RB1CC1: variants seen among roughly 807,000 people sequenced by gnomAD.
RB1CC1 encodes RB1 inducible coiled-coil 1.
RB1CC1 carries 46 observed loss-of-function variants against 177.5 expected under a neutral mutation model. That is an observed-to-expected ratio of 0.26 (90% CI 0.20 to 0.33). The LOEUF (loss-of-function observed/expected upper bound fraction) is 0.33. Ranked by LOEUF, RB1CC1 falls within the 10% of genes least tolerant of loss-of-function variation. The probability of loss-of-function intolerance (pLI) is 1.00; values close to 1 mark genes in which losing one functional copy is unlikely to be tolerated. For missense variants in RB1CC1, 1,703 were observed against 1,816.3 expected, an observed-to-expected ratio of 0.94 and a Z score of 1.13; for synonymous variants, 666 against 613.6, an observed-to-expected ratio of 1.09 and a Z score of -1.26.
intron 15 of RB1CC1, among the ~76,000 whole-genome samples, chr8:52,654,855 A>G (rs989738150): frequency 6.6e-6 from 1 of 151,890 alleles, no homozygotes; most frequent in Non-Finnish European, 1.5e-5. Flanking sequence ...CTTATTCCTT[A>G]TGTTTCCTCT....
chr8:52,699,830 A>T (rs13274145), intron 1 of RB1CC1, among the ~76,000 whole-genome samples: 386 of 26,350 alleles, frequency 0.015, 4 homozygotes, highest in South Asian at 0.058. Flanking sequence ...AAAAAAAAAA[A>T]ATATATATAT....
At chr8:52,707,983 G>C (rs1046816404) in intron 1 of RB1CC1, among the ~76,000 whole-genome samples, 2 of 152,188 alleles carry the variant, frequency 1.3e-5, no homozygotes, top group African/African-American at 4.8e-5. Context: ...GAGAAGGATA[G>C]CAATAATGTA....
chr8:52,707,120 C>T (rs1016563333), intron 1 of RB1CC1, among the ~76,000 whole-genome samples: 2 of 152,218 alleles, frequency 1.3e-5, no homozygotes, highest in African/African-American at 4.8e-5. Context: ...AAGTACCTGT[C>T]TCACAGGGTT....
chr8:52,672,252 G>A (rs1385951753), intron 7 of RB1CC1, among the ~76,000 whole-genome samples: 1 of 152,084 alleles, frequency 6.6e-6, no homozygotes, highest in Non-Finnish European at 1.5e-5. Context: ...AAGTCACTGG[G>A]ATTACTGGTA....
intron 1 of RB1CC1, among the ~76,000 whole-genome samples, chr8:52,700,075 C>A (rs1180312692): frequency 6.6e-6 from 1 of 151,658 alleles, no homozygotes; most frequent in Non-Finnish European, 1.5e-5. Context: ...TATATAATCC[C>A]CTCCCATAAT....
chr8:52,688,112 T>C (rs964209085), intron 1 of RB1CC1, among the ~76,000 whole-genome samples: 1 of 152,244 alleles, frequency 6.6e-6, no homozygotes, highest in African/African-American at 2.4e-5. Context: ...GTGATAATTG[T>C]GTTAACTGTA....
In RB1CC1 at chr8:52,673,857, A is replaced by T. The variant is rs1269887496; in HGVS notation, c.990T>A (p.Asp330Glu). Residue 330 changes from aspartate (D) to glutamate (E), a missense_variant, in exon 7 of 24, where the codon GAT (aspartate) becomes GAA (glutamate). This residue lies in a region of RB1CC1 where 315 missense variants were observed against 304.9 expected (regional missense o/e 1.03). Transcript: ENST00000025008. ...DVESLVRKCF[D>E]SMSRLDPRII... is the part of the protein sequence containing the mutation. ...TAACGTTACTTACCCTGCTCATAGA[A>T]TCAAAGCACTTCCTGACCAAAGATT... 6 of 1,609,418 alleles carry T rather than the reference A, an allele frequency of 3.7e-6. No individual in the cohort carries two copies. Among genetic ancestry groups the T allele is most frequent in the Non-Finnish European group, 5.1e-6 (6 of 1,176,522 alleles).
chr8:52,670,824 TA>T (rs986317768), intron 7 of RB1CC1, among the ~76,000 whole-genome samples: 2 of 151,324 alleles, frequency 1.3e-5, no homozygotes, highest in Admixed American at 6.6e-5. Context: ...CTATCTCTAT[TA>T]AAAAAAACAA....
chr8:52,640,927 C>G (rs111770820), intron 18 of RB1CC1, among the ~76,000 whole-genome samples: 26 of 152,062 alleles, frequency 1.7e-4, no homozygotes, highest in East Asian at 7.8e-4. Context: ...AACAAACAAA[C>G]AAAAAACTCC....
chr8:52,635,990 T>C (rs1417038034), intron 19 of RB1CC1, 25 bp downstream of exon 19: 2 of 1,604,294 alleles, frequency 1.2e-6, no homozygotes, highest in Non-Finnish European at 1.7e-6. Flanking sequence ...TTAAACATGG[T>C]ACTTCAAGAA....
intron 15 of RB1CC1, among the ~76,000 whole-genome samples, chr8:52,653,857 T>A (rs1036762408): frequency 2.0e-5 from 3 of 152,204 alleles, no homozygotes; most frequent in Non-Finnish European, 4.4e-5. Flanking sequence ...TTGGAGCATG[T>A]TGGATTTGGG....
chr8:52,701,279 C>T (rs1364558590), intron 1 of RB1CC1, among the ~76,000 whole-genome samples: 2 of 152,078 alleles, frequency 1.3e-5, no homozygotes, highest in Non-Finnish European at 1.5e-5. Context: ...CCCACCACCA[C>T]ACCCAGCTAA....
At position 52,673,915 on chromosome 8, in the gene RB1CC1, C is replaced by T. The variant is rs780474219; in HGVS notation, c.932G>A (p.Trp311Ter). Residue 311 changes from tryptophan (W) to a stop codon, truncating the protein, a stop_gained, in exon 7 of 24, where the codon TGG (tryptophan) becomes TAG (stop). Coordinates refer to ENST00000025008, the MANE Select transcript of RB1CC1 (RefSeq NM_014781.5). LOFTEE classifies it high-confidence loss of function. ...LPFFNVSLLDWINVQDRPNDV... is the reference protein window; with the variant it reads ...LPFFNVSLLD ...ATTAGGTCTATCTTGAACATTTATC[C>T]AGTCTAACAAAGAGACATTAAAAAA... 6.2e-7 allele frequency: 1 copy of T among 1,614,098 alleles called. No homozygotes were observed. The highest frequency in any genetic ancestry group is 8.5e-7 in the Non-Finnish European group (1 of 1,180,004).
rs1851213353 is a variant in RB1CC1, at chr8:52,657,852, T to C, written c.1977A>G (p.Thr659=). ...QSASSPRMES[T]AGITTTTSPR... ...GTGAGGTAGTAGTTGTAATTCCTGC[T>C]GTACTTTCCATCCTTGGTGAAGAAG... Residue 659 remains threonine (T), a synonymous_variant, in exon 15 of 24, where the codon ACA becomes ACG. Coordinates refer to ENST00000025008, the MANE Select transcript of RB1CC1 (RefSeq NM_014781.5). 1.9e-6 allele frequency: 3 copies of C among 1,614,094 alleles called. No homozygotes were observed. Among genetic ancestry groups the C allele is most frequent in the African/African-American group, 1.3e-5 (1 of 75,060 alleles).
chr8:52,641,441 C>A (rs1029161429), intron 18 of RB1CC1, among the ~76,000 whole-genome samples: 1 of 149,140 alleles, frequency 6.7e-6, no homozygotes, highest in Non-Finnish European at 1.5e-5. Flanking sequence ...ATGCCCAAAG[C>A]AACCCTGCTG....
At chr8:52,653,843 G>T (rs879326620) in intron 15 of RB1CC1, among the ~76,000 whole-genome samples, 2 of 152,156 alleles carry the variant, frequency 1.3e-5, no homozygotes, top group Admixed American at 1.3e-4. Context: ...AAAAGTTTCA[G>T]ATTTTGGAGC....
chr8:52,660,254 G>A (rs980377198), intron 12 of RB1CC1, among the ~76,000 whole-genome samples: 1 of 152,018 alleles, frequency 6.6e-6, no homozygotes, highest in Admixed American at 6.6e-5. Flanking sequence ...CTGTAAAGGA[G>A]GAGGGAGGGA....
intron 2 of RB1CC1, chr8:52,686,215 T>C (rs999166184): frequency 2.0e-5 from 3 of 152,214 alleles, no homozygotes; most frequent in African/African-American, 4.8e-5. Context: ...AAAAACCTCA[T>C]CTAGAAAATA....
chr8:52,677,850 C>A (rs1853287051), intron 5 of RB1CC1, among the ~76,000 whole-genome samples: 2 of 151,710 alleles, frequency 1.3e-5, no homozygotes, highest in African/African-American at 4.8e-5. Flanking sequence ...TTTTTTTAAA[C>A]AGATGAAAGA....
Sources: gnomAD v4.1 joint callset for allele counts (sites outside exome capture counted in the v4.1 genomes callset) on GRCh38, gnomAD v4.1.1 for gene constraint, gnomAD v4.1.1 regional missense constraint, MANE v1.5 for transcripts, NCBI Gene and HGNC (gene_info 2026-07-23, HGNC 2026-07-21) for gene names.